CDH13: variants seen among roughly 807,000 people sequenced by gnomAD.
CDH13 encodes cadherin 13, also known as cadherin-13.
CDH13 carries 24 observed loss-of-function variants against 63.8 expected under a neutral mutation model. The observed-to-expected ratio is 0.38, with a 90% CI of 0.27 to 0.53. The LOEUF (loss-of-function observed/expected upper bound fraction) is 0.53. Ranked by LOEUF, CDH13 falls within the 20% of genes least tolerant of loss-of-function variation. The probability of loss-of-function intolerance (pLI) is 0.85; values close to 1 mark genes in which losing one functional copy is unlikely to be tolerated. For synonymous variants in CDH13, 503 were observed against 355.3 expected, an observed-to-expected ratio of 1.42 and a Z score of -4.67; for missense variants, 1,049 against 903.1, an observed-to-expected ratio of 1.16 and a Z score of -2.07.
chr16:83,172,882 A>C (rs552576896), intron 4 of CDH13, among the ~76,000 whole-genome samples: 4 of 152,130 alleles, frequency 2.6e-5, no homozygotes, highest in Non-Finnish European at 2.9e-5. Context: ...TACTGCACTA[A>C]AAATTCTCAT....
intron 3 of CDH13, among the ~76,000 whole-genome samples, chr16:83,037,598 A>G (rs1445463860): frequency 6.6e-6 from 1 of 152,224 alleles, no homozygotes; most frequent in Non-Finnish European, 1.5e-5. Flanking sequence ...ATGTTAGGGA[A>G]AGACGTCTAG....
chr16:83,731,650 T>C (rs1197715945), intron 10 of CDH13, among the ~76,000 whole-genome samples: 1 of 152,222 alleles, frequency 6.6e-6, no homozygotes, highest in Admixed American at 6.5e-5. Flanking sequence ...CCAATTTTTG[T>C]TTTTGGTGCA....
intron 10 of CDH13, among the ~76,000 whole-genome samples, chr16:83,711,148 A>T (rs1907981560): frequency 6.6e-6 from 1 of 152,208 alleles, no homozygotes; most frequent in Admixed American, 6.5e-5. Context: ...CTCCCCAGTT[A>T]GAAGTATCTG....
At chr16:83,210,012 C>G (rs1438038910) in intron 4 of CDH13, among the ~76,000 whole-genome samples, 1 of 152,042 alleles carries the variant, frequency 6.6e-6, no homozygotes, top group Non-Finnish European at 1.5e-5. Flanking sequence ...CAAAGAAGAG[C>G]TCTGAGATTT....
chr16:83,721,424 T>G (rs1027360840), intron 10 of CDH13: 1 of 152,240 alleles, frequency 6.6e-6, no homozygotes, highest in African/African-American at 2.4e-5. Context: ...TGTTTAAAAA[T>G]ATTTTTTAAA....
chr16:83,674,823 T>C (rs1914819988), intron 9 of CDH13, among the ~76,000 whole-genome samples: 1 of 152,242 alleles, frequency 6.6e-6, no homozygotes, highest in Non-Finnish European at 1.5e-5. Context: ...CACCAGAAAG[T>C]TATTCTTTCA....
Position 82,677,072 on chromosome 16 carries a change from C to T in CDH13, c.45+49935C>T, listed in dbSNP as rs141099122. Among the ~76,000 whole-genome samples, 675 of 152,164 alleles carry T rather than the reference C, an allele frequency of 4.4e-3. 2 individuals are homozygous for T. The highest frequency in any genetic ancestry group is 9.8e-3 in the African/African-American group (405 of 41,530). Reference sequence around the variant, plus strand: ...CTAATTTTTGTATTTTTAGTAGAGACGGGGTTTCGCCATGTTGGCCAGGAT... The same window carrying T: ...CTAATTTTTGTATTTTTAGTAGAGATGGGGTTTCGCCATGTTGGCCAGGAT... On this transcript the variant is annotated intron_variant, in intron 1 of 13. Coordinates refer to ENST00000567109, the MANE Select transcript of CDH13 (RefSeq NM_001257.5).
intron 7 of CDH13, among the ~76,000 whole-genome samples, chr16:83,495,892 G>C (rs2074130174): frequency 6.6e-6 from 1 of 152,082 alleles, no homozygotes; most frequent in Non-Finnish European, 1.5e-5. Context: ...CAAATCATGA[G>C]TGAACTCCCA....
chr16:83,380,917 C>T (rs972409248), intron 6 of CDH13, among the ~76,000 whole-genome samples: 1 of 151,812 alleles, frequency 6.6e-6, no homozygotes, highest in African/African-American at 2.4e-5. Flanking sequence ...AAAATGCCCT[C>T]ATCCTCACTG....
At chr16:83,388,259 C>A (rs1479718200) in intron 6 of CDH13, among the ~76,000 whole-genome samples, 1 of 140,740 alleles carries the variant, frequency 7.1e-6, no homozygotes, top group Non-Finnish European at 1.5e-5. Flanking sequence ...CCAGCCTGGG[C>A]AACATGGAAT....
chr16:83,493,109 C>G (rs543925881), intron 7 of CDH13, among the ~76,000 whole-genome samples: 17 of 152,232 alleles, frequency 1.1e-4, no homozygotes, highest in African/African-American at 3.9e-4. Context: ...AATCACAATC[C>G]CAATCTCATT....
At chr16:82,988,717 G>A (rs932015852) in intron 2 of CDH13, among the ~76,000 whole-genome samples, 12 of 148,870 alleles carry the variant, frequency 8.1e-5, no homozygotes, top group Middle Eastern at 3.5e-3. Flanking sequence ...AGCCAAGATC[G>A]CACCACTGCA....
intron 8 of CDH13, among the ~76,000 whole-genome samples, chr16:83,657,172 C>T (rs1447954071): frequency 2.6e-5 from 4 of 152,166 alleles, no homozygotes; most frequent in Non-Finnish European, 5.9e-5. Flanking sequence ...GTGGATCCAG[C>T]TCATTGTAAA....
At chr16:82,770,138 C>T (rs2035207187) in intron 1 of CDH13, among the ~76,000 whole-genome samples, 1 of 152,242 alleles carries the variant, frequency 6.6e-6, no homozygotes, top group Non-Finnish European at 1.5e-5. Context: ...AGGCTGGTAA[C>T]TGCCACAGAA....
At chr16:82,691,819 C>T (rs917328984) in intron 1 of CDH13, among the ~76,000 whole-genome samples, 11 of 152,012 alleles carry the variant, frequency 7.2e-5, no homozygotes, top group East Asian at 1.9e-4. Context: ...ATTGGGATCT[C>T]GATGATGCTG....
At chr16:82,905,093 A>C (rs745618140) in intron 2 of CDH13, among the ~76,000 whole-genome samples, 22 of 152,152 alleles carry the variant, frequency 1.4e-4, no homozygotes, top group Non-Finnish European at 2.5e-4. Context: ...ATGATTCTTC[A>C]AGGGAAGTAG....
intron 6 of CDH13, among the ~76,000 whole-genome samples, chr16:83,409,393 G>A (rs183007751): frequency 6.6e-6 from 1 of 152,136 alleles, no homozygotes; most frequent in Non-Finnish European, 1.5e-5. Flanking sequence ...GCAGCGACAC[G>A]GGGCAATGGT....
intron 2 of CDH13, among the ~76,000 whole-genome samples, chr16:83,030,461 G>C (rs915627243): frequency 6.6e-6 from 1 of 151,858 alleles, no homozygotes; most frequent in Non-Finnish European, 1.5e-5. Context: ...GGCCAACATG[G>C]TGAAACCCCC....
intron 10 of CDH13, among the ~76,000 whole-genome samples, chr16:83,707,898 C>T (rs1168261943): frequency 4.4e-5 from 6 of 137,542 alleles, no homozygotes; most frequent in Non-Finnish European, 3.1e-5. Flanking sequence ...GGCAAGAATA[C>T]TTTATTTTCC....
Sources: gnomAD v4.1 joint callset for allele counts (sites outside exome capture counted in the v4.1 genomes callset) on GRCh38, gnomAD v4.1.1 for gene constraint, MANE v1.5 for transcripts, NCBI Gene and HGNC (gene_info 2026-07-23, HGNC 2026-07-21) for gene names.